The following KIAA1217 variants were observed in gnomAD, a reference collection of about 807,000 sequenced individuals.
KIAA1217 encodes sickle tail protein homolog.
In KIAA1217, 88 loss-of-function variants were observed where a neutral mutation model predicts 163.9. The observed-to-expected ratio is 0.54, with a 90% confidence interval of 0.45 to 0.64. The LOEUF is 0.64. Among genes scored for constraint, KIAA1217 ranks in the 30% least tolerant of loss-of-function variants. The pLI is 0.00. For missense variants in KIAA1217, 2,372 were observed against 2,475.0 expected, an observed-to-expected ratio of 0.96 and a Z score of 0.88; for synonymous variants, 903 against 923.1, an observed-to-expected ratio of 0.98 and a Z score of 0.39.
Position 24,531,879 on chromosome 10 carries a change from G to C in KIAA1217, c.3132G>C (p.Ser1044=). Reference sequence around the variant, plus strand: ...ACTTGGAAAAGCTGGGGGGAAAGTCGCCCCCTCCTCCTCCGCCACCTCCTC... The same window carrying C: ...ACTTGGAAAAGCTGGGGGGAAAGTCCCCCCCTCCTCCTCCGCCACCTCCTC... ...EQDLEKLGGK[S]PPPPPPPPRR... The change falls in exon 15 of 21, where the codon TCG becomes TCC. Residue 1044 remains serine (S), a synonymous_variant. Transcript: ENST00000376454. 2 of 1,607,302 alleles carry C rather than the reference G, an allele frequency of 1.2e-6. No individual in the cohort carries two copies. Among genetic ancestry groups the C allele is most frequent in the South Asian group, 1.1e-5 (1 of 89,926 alleles).
chr10:24,077,325 GC>G (rs760105114), intron 2 of KIAA1217, among the ~76,000 whole-genome samples: 14 of 152,106 alleles, frequency 9.2e-5, no homozygotes, highest in Non-Finnish European at 1.9e-4. Flanking sequence ...TCTTCCTGAT[GC>G]TCTCCCTCCT....
intron 1 of KIAA1217, among the ~76,000 whole-genome samples, chr10:23,965,411 A>C (rs1257135411): frequency 6.6e-6 from 1 of 152,214 alleles, no homozygotes; most frequent in East Asian, 1.9e-4. Context: ...GCAGAATAGA[A>C]GGCAGTTTAG....
intron 1 of KIAA1217, among the ~76,000 whole-genome samples, chr10:23,895,710 C>T (rs1841655281): frequency 6.6e-6 from 1 of 152,026 alleles, no homozygotes; most frequent in Non-Finnish European, 1.5e-5. Context: ...TATTGCGGCA[C>T]TGTTCACAAT....
chr10:24,172,818 C>G (rs1348708772), intron 2 of KIAA1217, among the ~76,000 whole-genome samples: 3 of 152,210 alleles, frequency 2.0e-5, no homozygotes, highest in Non-Finnish European at 4.4e-5. Flanking sequence ...CTTTTCACTT[C>G]TGTTTTCTCT....
intron 1 of KIAA1217, among the ~76,000 whole-genome samples, chr10:23,789,354 G>A (rs1808602835): frequency 6.6e-6 from 1 of 152,140 alleles, no homozygotes; most frequent in African/African-American, 2.4e-5. Flanking sequence ...CCATTTGTAA[G>A]CATTTCCTTT....
intron 1 of KIAA1217, among the ~76,000 whole-genome samples, chr10:23,993,553 C>CTTTTTTTTTTTTTGTTTTTTTTTTTT (rs1846320181): frequency 1.5e-5 from 1 of 68,956 alleles, no homozygotes. Flanking sequence ...CATAGCCCAG[C>CTTTTTTTTTTTTTGTTTTTTTTTTTT]TTTTTTTTTT....
intron 1 of KIAA1217, among the ~76,000 whole-genome samples, chr10:23,882,953 G>A (rs1347543019): frequency 6.6e-6 from 1 of 151,818 alleles, no homozygotes; most frequent in African/African-American, 2.4e-5. Context: ...CATTCTGGTG[G>A]GAGAGTTTAC....
At chr10:24,013,200 C>A (rs1405700616) in intron 2 of KIAA1217, among the ~76,000 whole-genome samples, 1 of 151,942 alleles carries the variant, frequency 6.6e-6, no homozygotes, top group Admixed American at 6.6e-5. Context: ...GAAGTACCGT[C>A]CAGTGTATCT....
At chr10:23,727,663 C>T (rs991914631) in intron 1 of KIAA1217, among the ~76,000 whole-genome samples, 39 of 152,086 alleles carry the variant, frequency 2.6e-4, no homozygotes, top group African/African-American at 8.9e-4. Context: ...TTTAAAATTA[C>T]ACTTTAAGTT....
intron 2 of KIAA1217, among the ~76,000 whole-genome samples, chr10:24,159,794 T>C (rs1379631642): frequency 1.3e-5 from 2 of 151,542 alleles, no homozygotes; most frequent in Non-Finnish European, 2.9e-5. Context: ...AAAAAAAAAA[T>C]AGTTTTGAAG....
intron 3 of KIAA1217, among the ~76,000 whole-genome samples, chr10:24,403,486 G>A (rs942533919): frequency 3.3e-5 from 5 of 152,012 alleles, no homozygotes; most frequent in South Asian, 2.1e-4. Context: ...TGATCCTCCC[G>A]CCTCAGCCTC....
intron 1 of KIAA1217, among the ~76,000 whole-genome samples, chr10:23,904,742 A>T (rs1169121204): frequency 6.6e-6 from 1 of 152,118 alleles, no homozygotes; most frequent in Non-Finnish European, 1.5e-5. Flanking sequence ...GCCCAGAAGG[A>T]AATGAGAAAA....
intron 3 of KIAA1217, among the ~76,000 whole-genome samples, chr10:24,405,493 T>C (rs2057109370): frequency 6.6e-6 from 1 of 152,010 alleles, no homozygotes; most frequent in Non-Finnish European, 1.5e-5. Flanking sequence ...GCAGAAACAA[T>C]AAAAGACCAG....
chr10:23,903,870 A>C (rs1000008575), intron 1 of KIAA1217, among the ~76,000 whole-genome samples: 1 of 152,138 alleles, frequency 6.6e-6, no homozygotes, highest in Non-Finnish European at 1.5e-5. Context: ...TTAAATGAAA[A>C]AGAAATGATT....
rs544149305 is a variant in KIAA1217 at position 24,532,089 on chromosome 10, G to C, written c.3246+96G>C. The C allele has an allele frequency of 3.0e-5, 35 of 1,177,496 alleles. No homozygotes were observed. In the African/African-American group the frequency reaches 4.7e-4, roughly 16 times the overall value. 72.9% of individuals were successfully genotyped at this position (1,177,496 alleles called of 1,614,324 possible). On this transcript the variant is annotated intron_variant, in intron 15 of 20. Coordinates refer to ENST00000376454, the MANE Select transcript of KIAA1217 (RefSeq NM_019590.5). ...TTGGAACATAAAAAGTAGTGAGGCA[G>C]AGAAGTAGTAACTCGACCACACAAG...
At chr10:23,956,571 A>G (rs1476169520) in intron 1 of KIAA1217, among the ~76,000 whole-genome samples, 28 of 152,030 alleles carry the variant, frequency 1.8e-4, no homozygotes, top group Admixed American at 1.8e-3. Flanking sequence ...CATTCCCTGT[A>G]TTCGTCTGTT....
intron 10 of KIAA1217, among the ~76,000 whole-genome samples, chr10:24,517,370 G>T (rs1197012694): frequency 6.6e-6 from 1 of 152,106 alleles, no homozygotes; most frequent in East Asian, 1.9e-4. Context: ...ATGAAGAAAA[G>T]ACAAATATTT....
At chr10:24,450,220 T>A (rs2061280279) in intron 5 of KIAA1217, among the ~76,000 whole-genome samples, 1 of 152,234 alleles carries the variant, frequency 6.6e-6, no homozygotes, top group African/African-American at 2.4e-5. Flanking sequence ...CCTTTAACAT[T>A]CCAGGGAAAA....
chr10:23,744,413 A>G (rs1328299137), intron 1 of KIAA1217, among the ~76,000 whole-genome samples: 1 of 152,222 alleles, frequency 6.6e-6, no homozygotes, highest in Non-Finnish European at 1.5e-5. Flanking sequence ...CTCAGAGGAC[A>G]CACTAGGGGA....
Sources: allele counts gnomAD v4.1 joint callset (sites outside exome capture counted in the v4.1 genomes callset), GRCh38; gene constraint gnomAD v4.1.1; transcripts MANE v1.5; gene names NCBI Gene and HGNC (gene_info 2026-07-23, HGNC 2026-07-21).